The following ROR2 variants were observed in gnomAD, a reference collection of about 807,000 sequenced individuals.
ROR2 encodes ROR family WNT receptor 2.
ROR2 carries 33 observed loss-of-function variants against 74.9 expected under a neutral mutation model. The observed-to-expected ratio is 0.44, with a 90% CI of 0.33 to 0.59. The LOEUF (loss-of-function observed/expected upper bound fraction) is 0.59, where lower values mean the gene tolerates loss of function less well. ROR2 is among the 20% of genes least tolerant of loss of function. The pLI, the probability that ROR2 is intolerant of heterozygous loss-of-function variation, is 0.02. For missense variants in ROR2, 1,216 were observed against 1,313.8 expected, an observed-to-expected ratio of 0.93 and a Z score of 1.15; for synonymous variants, 586 against 558.7, an observed-to-expected ratio of 1.05 and a Z score of -0.69.
chr9:91,846,708 T>G (rs1177500806), intron 1 of ROR2, among the ~76,000 whole-genome samples: 1 of 152,108 alleles, frequency 6.6e-6, no homozygotes, highest in East Asian at 1.9e-4. Context: ...CTCAGCCCCC[T>G]GATAAGCACC....
chr9:91,890,298 C>T (rs1453555286), intron 1 of ROR2, among the ~76,000 whole-genome samples: 1 of 152,176 alleles, frequency 6.6e-6, no homozygotes, highest in Non-Finnish European at 1.5e-5. Context: ...AGCAGGGAAA[C>T]GCTAACTGTG....
Position 91,909,842 on chromosome 9 carries a change from G to GTTTTTTTT in ROR2, c.97+40024_97+40025insAAAAAAAA, listed in dbSNP as rs1232142986. ...TTTATTCTTTTTTTTTTTTAGGTTT[G>GTTTTTTTT]TTTTGTTTTTTTTTTTTTTTTTTTT... On this transcript the variant is annotated intron_variant, in intron 1 of 8. Transcript: ENST00000375708. 3.0e-3 allele frequency among the ~76,000 whole-genome samples: 170 copies of GTTTTTTTT among 55,896 alleles called. 17 individuals are homozygous for GTTTTTTTT. Among genetic ancestry groups the GTTTTTTTT allele is most frequent in the Admixed American group, 5.4e-3 (20 of 3,720 alleles). The allele number at this position is 55,896 out of a possible 152,430, so 36.7% of individuals were successfully genotyped here.
intron 1 of ROR2, among the ~76,000 whole-genome samples, chr9:91,947,144 C>T (rs994943871): frequency 6.6e-6 from 1 of 152,208 alleles, no homozygotes; most frequent in Non-Finnish European, 1.5e-5. Flanking sequence ...GCAGAGCAGT[C>T]ACCAAAAACT....
At chr9:91,821,337 T>C (rs560340229) in intron 1 of ROR2, among the ~76,000 whole-genome samples, 1 of 152,282 alleles carries the variant, frequency 6.6e-6, no homozygotes, top group Admixed American at 6.5e-5. Context: ...ATAAATACAG[T>C]ATGTGATAGG....
At chr9:91,948,887 G>A (rs984254366) in intron 1 of ROR2, 1 of 985,402 alleles carries the variant, frequency 1.0e-6, no homozygotes. Flanking sequence ...CCCGAGGCGC[G>A]CGGGCGGGAG....
intron 1 of ROR2, among the ~76,000 whole-genome samples, chr9:91,937,783 C>T (rs148220466): frequency 3.1e-3 from 478 of 152,266 alleles, no homozygotes; most frequent in African/African-American, 0.01. Context: ...GTGATCACAG[C>T]ACTCACTACA....
At chr9:91,881,201 C>T (rs1830102072) in intron 1 of ROR2, among the ~76,000 whole-genome samples, 1 of 152,136 alleles carries the variant, frequency 6.6e-6, no homozygotes, top group African/African-American at 2.4e-5. Flanking sequence ...AGTGTTTGAT[C>T]TGTTACAGGA....
At chr9:91,939,886 A>C in intron 1 of ROR2, among the ~76,000 whole-genome samples, 1 of 152,212 alleles carries the variant, frequency 6.6e-6, no homozygotes, top group Non-Finnish European at 1.5e-5. Flanking sequence ...GGGCTCCAGA[A>C]TAAACGGGAC....
rs890820392 is a variant in ROR2 at position 91,918,731 on chromosome 9, C to CTCT, written c.97+31133_97+31135dup. Among the ~76,000 whole-genome samples, 10 of 152,280 alleles carry CTCT rather than the reference C, an allele frequency of 6.6e-5. No homozygotes were observed. In the East Asian group the frequency reaches 1.9e-3, roughly 29 times the overall value. On this transcript the variant is annotated intron_variant, in intron 1 of 8. Coordinates refer to ENST00000375708, the MANE Select transcript of ROR2 (RefSeq NM_004560.4). ...AATTGTATTGGCTTGTGGATTCTAT[C>CTCT]TCTTAATTTTAAGAATTCTGTTGTT... is the stretch of plus-strand genomic sequence containing the variant.
At chr9:91,821,767 G>C (rs1828146891) in intron 1 of ROR2, among the ~76,000 whole-genome samples, 1 of 152,160 alleles carries the variant, frequency 6.6e-6, no homozygotes, top group African/African-American at 2.4e-5. Flanking sequence ...CTCTGCCTTA[G>C]ACAAGGACTC....
intron 1 of ROR2, among the ~76,000 whole-genome samples, chr9:91,835,656 G>A (rs1324915972): frequency 6.6e-6 from 1 of 152,184 alleles, no homozygotes; most frequent in Non-Finnish European, 1.5e-5. Context: ...CATAAGACCT[G>A]TAAAATCATT....
chr9:91,862,813 T>G (rs1166263006), intron 1 of ROR2, among the ~76,000 whole-genome samples: 1 of 152,236 alleles, frequency 6.6e-6, no homozygotes, highest in African/African-American at 2.4e-5. Context: ...TTCTGTTGTT[T>G]AAGCCCCCCA....
intron 1 of ROR2, among the ~76,000 whole-genome samples, chr9:91,947,606 C>A (rs7048508): frequency 0.13 from 20,222 of 152,030 alleles, 2,808 homozygotes; most frequent in African/African-American, 0.36. Context: ...AAACACTACA[C>A]TGCCAAAAAT....
intron 1 of ROR2, among the ~76,000 whole-genome samples, chr9:91,868,865 C>A (rs958891782): frequency 2.0e-5 from 3 of 152,142 alleles, no homozygotes; most frequent in African/African-American, 7.2e-5. Flanking sequence ...CTTGGACCAC[C>A]AGGAATGAAG....
At chr9:91,901,926 G>T (rs1235352594) in intron 1 of ROR2, among the ~76,000 whole-genome samples, 2 of 151,994 alleles carry the variant, frequency 1.3e-5, no homozygotes, top group Non-Finnish European at 2.9e-5. Context: ...TAGGTGGGGG[G>T]GCCTACCCTC....
At chr9:91,809,968 C>G (rs1827690319) in intron 1 of ROR2, among the ~76,000 whole-genome samples, 1 of 152,264 alleles carries the variant, frequency 6.6e-6, no homozygotes, top group African/African-American at 2.4e-5. Context: ...CTTGGTAAAG[C>G]TGATCTTGCA....
intron 7 of ROR2, among the ~76,000 whole-genome samples, chr9:91,727,587 G>A (rs955367921): frequency 3.3e-5 from 5 of 152,170 alleles, no homozygotes; most frequent in African/African-American, 1.2e-4. Flanking sequence ...GCAATTGAAT[G>A]TAAGACAAAG....
chr9:91,766,173 G>A (rs1319436052), intron 2 of ROR2, among the ~76,000 whole-genome samples: 3 of 152,166 alleles, frequency 2.0e-5, no homozygotes, highest in Non-Finnish European at 4.4e-5. Context: ...TGTGTGCCAC[G>A]GCCATGTGGT....
At chr9:91,854,254 T>C (rs1418022176) in intron 1 of ROR2, among the ~76,000 whole-genome samples, 1 of 152,140 alleles carries the variant, frequency 6.6e-6, no homozygotes, top group Non-Finnish European at 1.5e-5. Context: ...GACTGTACCT[T>C]GCCTGTAGAC....
Sources: allele counts gnomAD v4.1 joint callset (sites outside exome capture counted in the v4.1 genomes callset), GRCh38; gene constraint gnomAD v4.1.1; transcripts MANE v1.5; gene names NCBI Gene and HGNC (gene_info 2026-07-23, HGNC 2026-07-21).